Variants in C9 observed in about 807,000 individuals in gnomAD.
C9 encodes complement C9.
C9 carries 63 observed loss-of-function variants against 65.4 expected under a neutral mutation model. The observed-to-expected ratio is 0.96, with a 90% CI of 0.79 to 1.19. The LOEUF is 1.19. C9 is among the 50% of genes most tolerant of loss of function. The probability of loss-of-function intolerance (pLI) is 0.00; values close to 1 mark genes in which losing one functional copy is unlikely to be tolerated. For missense variants in C9, 744 were observed against 670.1 expected, an observed-to-expected ratio of 1.11 and a Z score of -1.22; for synonymous variants, 229 against 227.9, an observed-to-expected ratio of 1.00 and a Z score of -0.04.
intron 1 of C9, among the ~76,000 whole-genome samples, chr5:39,346,289 A>C (rs899958734): frequency 6.6e-6 from 1 of 152,356 alleles, no homozygotes; most frequent in Non-Finnish European, 1.5e-5. Flanking sequence ...CTAATAAAGA[A>C]GAAAAGAGAG....
intron 1 of C9, among the ~76,000 whole-genome samples, chr5:39,362,030 G>A (rs551544078): frequency 3.3e-5 from 5 of 152,232 alleles, no homozygotes; most frequent in African/African-American, 1.2e-4. Flanking sequence ...CCATGCGCCA[G>A]GCACAGATGT....
At chr5:39,321,433 T>C (rs992822336) in intron 5 of C9, among the ~76,000 whole-genome samples, 5 of 151,738 alleles carry the variant, frequency 3.3e-5, no homozygotes, top group Non-Finnish European at 7.4e-5. Flanking sequence ...ACAGAAAACA[T>C]AAAAGCAAAG....
intron 1 of C9, among the ~76,000 whole-genome samples, chr5:39,356,786 A>G (rs1210236061): frequency 6.6e-6 from 1 of 152,210 alleles, no homozygotes; most frequent in African/African-American, 2.4e-5. Flanking sequence ...CTTTGAGCCC[A>G]ACACCCCCTC....
chr5:39,322,345 A>G (rs934464188), intron 5 of C9, among the ~76,000 whole-genome samples: 1 of 151,996 alleles, frequency 6.6e-6, no homozygotes, highest in African/African-American at 2.4e-5. Context: ...AAGCAGTTCT[A>G]ACAGAAAAGT....
At chr5:39,320,785 C>A (rs1753653015) in intron 5 of C9, among the ~76,000 whole-genome samples, 1 of 152,088 alleles carries the variant, frequency 6.6e-6, no homozygotes, top group African/African-American at 2.4e-5. Context: ...AAGAGAAGAA[C>A]AACTCGTCAC....
chr5:39,322,477 A>T (rs1004356334), intron 5 of C9, among the ~76,000 whole-genome samples: 9 of 152,110 alleles, frequency 5.9e-5, no homozygotes, highest in African/African-American at 1.9e-4. Flanking sequence ...GAAGTAAGAG[A>T]ATAATAAAGA....
chr5:39,333,704 C>T (rs904531813), intron 4 of C9, among the ~76,000 whole-genome samples: 3 of 151,934 alleles, frequency 2.0e-5, no homozygotes, highest in Non-Finnish European at 4.4e-5. Context: ...CTCACTGCAG[C>T]CTCCCTGCCT....
At chr5:39,304,168 G>T (rs1753334952) in intron 9 of C9, among the ~76,000 whole-genome samples, 1 of 152,074 alleles carries the variant, frequency 6.6e-6, no homozygotes. Context: ...TTTTGGTTAA[G>T]GTCACAGTTT....
intron 6 of C9, among the ~76,000 whole-genome samples, chr5:39,315,552 G>A (rs200624160): frequency 2.0e-5 from 3 of 152,124 alleles, no homozygotes; most frequent in East Asian, 3.9e-4. Context: ...TTCTTAATAC[G>A]CATTTTCTGC....
chr5:39,311,065 A>C, intron 7 of C9, 72 bp downstream of exon 7: 1 of 1,523,170 alleles, frequency 6.6e-7, no homozygotes, highest in Non-Finnish European at 9.1e-7. Context: ...TTAACCATTG[A>C]AACAGGTTGG....
intron 1 of C9, among the ~76,000 whole-genome samples, chr5:39,356,982 A>T (rs1219875974): frequency 6.6e-6 from 1 of 152,210 alleles, no homozygotes; most frequent in Non-Finnish European, 1.5e-5. Context: ...AAGTGTTTCA[A>T]TCTCAGCTTG....
intron 9 of C9, among the ~76,000 whole-genome samples, chr5:39,290,125 T>C (rs964161310): frequency 6.6e-6 from 1 of 151,856 alleles, no homozygotes; most frequent in African/African-American, 2.4e-5. Flanking sequence ...CAGTAAAGAA[T>C]TTTGAAAGTT....
At chr5:39,310,982 G>A (rs900324180) in intron 7 of C9, among the ~76,000 whole-genome samples, 155 bp downstream of exon 7, 3 of 152,146 alleles carry the variant, frequency 2.0e-5, no homozygotes, top group African/African-American at 7.2e-5. Flanking sequence ...ATTTAACAGG[G>A]TTTTAGGTGC....
intron 6 of C9, 37 bp downstream of exon 6, chr5:39,315,738 A>G: frequency 2.7e-6 from 4 of 1,484,904 alleles, no homozygotes; most frequent in Non-Finnish European, 3.7e-6. Context: ...GTAGTTTGGA[A>G]CCTTTCTATA....
At chr5:39,316,120 C>T in intron 5 of C9, 91 bp from the exon 6 acceptor site, 1 of 1,095,232 alleles carries the variant, frequency 9.1e-7, no homozygotes, top group Admixed American at 2.3e-5. Flanking sequence ...TCAAACAATT[C>T]TTTGAAAGGC....
At chr5:39,331,884 G>A in intron 4 of C9, 70 bp from the exon 5 acceptor site, 4 of 1,361,162 alleles carry the variant, frequency 2.9e-6, no homozygotes, top group South Asian at 1.2e-5. Context: ...CTCTGTAGCT[G>A]GAAAAAGTGA....
In C9 at chr5:39,284,181, A is replaced by G. The variant is rs1752947129; in HGVS notation, c.*1018T>C. Reference sequence around the variant, plus strand: ...TGAAATGTTTATTAATAGTAACAATAAAGTTAACATGATACATACTGATGT... The same window carrying G: ...TGAAATGTTTATTAATAGTAACAATGAAGTTAACATGATACATACTGATGT... On this transcript the variant is annotated 3_prime_UTR_variant, in exon 11 of 11. Coordinates refer to ENST00000263408, the MANE Select transcript of C9 (RefSeq NM_001737.5). The G allele has an allele frequency of 6.6e-6, 1 of 152,222 alleles. No homozygotes were observed. The highest frequency in any genetic ancestry group is 1.5e-5 in the Non-Finnish European group (1 of 68,040). 9.4% of individuals were successfully genotyped at this position (152,222 alleles called of 1,614,324 possible).
At chr5:39,323,482 G>A (rs1753696945) in intron 5 of C9, among the ~76,000 whole-genome samples, 1 of 149,542 alleles carries the variant, frequency 6.7e-6, no homozygotes, top group Non-Finnish European at 1.5e-5. Context: ...GATCAAGTGA[G>A]ATTTATATCT....
intron 2 of C9, 71 bp from the exon 3 acceptor site, chr5:39,341,771 A>G (rs1754091519): frequency 8.9e-6 from 12 of 1,343,918 alleles, no homozygotes; most frequent in Non-Finnish European, 1.2e-5. Flanking sequence ...AGGTGCATCC[A>G]TACAACTATA....
Sources: gnomAD v4.1 joint callset for allele counts (sites outside exome capture counted in the v4.1 genomes callset) on GRCh38, gnomAD v4.1.1 for gene constraint, MANE v1.5 for transcripts, NCBI Gene and HGNC (gene_info 2026-07-23, HGNC 2026-07-21) for gene names.